The following TTLL1 variants were observed in gnomAD, a reference collection of about 807,000 sequenced individuals.
TTLL1 encodes the protein polyglutamylase complex subunit TTLL1.
TTLL1 carries 33 observed loss-of-function variants against 47.8 expected under a neutral mutation model. That is an observed-to-expected ratio of 0.69 (90% CI 0.52 to 0.92). TTLL1 has a LOEUF of 0.92. Ranked by LOEUF, TTLL1 falls within the 40% of genes least tolerant of loss-of-function variation. The pLI, the probability that TTLL1 is intolerant of heterozygous loss-of-function variation, is 0.00. For synonymous variants in TTLL1, 225 were observed against 214.1 expected, an observed-to-expected ratio of 1.05 and a Z score of -0.45; for missense variants, 488 against 547.5, an observed-to-expected ratio of 0.89 and a Z score of 1.08.
chr22:43,082,796 C>T (rs1928983957), intron 1 of TTLL1, among the ~76,000 whole-genome samples: 1 of 151,234 alleles, frequency 6.6e-6, no homozygotes, highest in African/African-American at 2.4e-5. Flanking sequence ...GGTGGATTAC[C>T]TGAGGTCAGG....
intron 3 of TTLL1, among the ~76,000 whole-genome samples, chr22:43,074,760 C>T (rs1928370296): frequency 6.6e-6 from 1 of 152,168 alleles, no homozygotes; most frequent in Admixed American, 6.6e-5. Context: ...TTATTCATGG[C>T]CGGACATGGT....
intron 2 of TTLL1, among the ~76,000 whole-genome samples, chr22:43,079,115 G>T (rs77677245): frequency 9.3e-6 from 1 of 107,312 alleles, no homozygotes; most frequent in Non-Finnish European, 1.9e-5. Context: ...CCTCACACCC[G>T]CAGACACGGG....
At chr22:43,044,213 T>A (rs1298792901) in intron 10 of TTLL1, among the ~76,000 whole-genome samples, 1 of 150,700 alleles carries the variant, frequency 6.6e-6, no homozygotes, top group Non-Finnish European at 1.5e-5. Flanking sequence ...GTACCTAGCC[T>A]GGGCAGCTGA....
At chr22:43,053,734 T>C (rs952703907) in intron 8 of TTLL1, among the ~76,000 whole-genome samples, 1 of 152,204 alleles carries the variant, frequency 6.6e-6, no homozygotes, top group Non-Finnish European at 1.5e-5. Flanking sequence ...AATAAATAAA[T>C]TCCTGCTCCC....
At chr22:43,079,560 G>A (rs950791211) in intron 2 of TTLL1, among the ~76,000 whole-genome samples, 5 of 152,198 alleles carry the variant, frequency 3.3e-5, no homozygotes, top group Non-Finnish European at 5.9e-5. Flanking sequence ...AACCACCGCC[G>A]TCCAGGCTGC....
chr22:43,076,230 C>A (rs749796833), intron 2 of TTLL1, among the ~76,000 whole-genome samples: 2 of 151,652 alleles, frequency 1.3e-5, no homozygotes, highest in Admixed American at 6.6e-5. Context: ...CCGAGGCAGG[C>A]GGATCGCCTG....
intron 3 of TTLL1, among the ~76,000 whole-genome samples, chr22:43,071,719 C>T (rs1473334000): frequency 6.6e-6 from 1 of 152,204 alleles, no homozygotes; most frequent in African/African-American, 2.4e-5. Flanking sequence ...TATAATCCAG[C>T]ACTTTGGAAG....
At chr22:43,077,757 C>T (rs1233381760) in intron 2 of TTLL1, among the ~76,000 whole-genome samples, 1 of 152,206 alleles carries the variant, frequency 6.6e-6, no homozygotes, top group African/African-American at 2.4e-5. Context: ...GCCTCCCCAC[C>T]CTGGCAACCC....
intron 1 of TTLL1, among the ~76,000 whole-genome samples, chr22:43,082,929 G>A (rs956098662): frequency 7.2e-5 from 11 of 151,922 alleles, no homozygotes; most frequent in East Asian, 3.9e-4. Context: ...CAGGAGAATC[G>A]CTTGAACCCT....
At chr22:43,053,979 T>C (rs1173040706) in intron 8 of TTLL1, among the ~76,000 whole-genome samples, 2 of 152,236 alleles carry the variant, frequency 1.3e-5, no homozygotes, top group Non-Finnish European at 2.9e-5. Flanking sequence ...TGTCAACCGA[T>C]GAGCGGTATT....
At chr22:43,046,222 AAATAAT>A (rs987406852) in intron 10 of TTLL1, among the ~76,000 whole-genome samples, 182 bp downstream of exon 10, 2 of 152,142 alleles carry the variant, frequency 1.3e-5, no homozygotes, top group Non-Finnish European at 1.5e-5. Flanking sequence ...CTCCCTCTCA[AAATAAT>A]AATAATAAAA....
intron 6 of TTLL1, 121 bp downstream of exon 6, chr22:43,064,069 C>T: frequency 1.3e-6 from 2 of 1,514,390 alleles, no homozygotes; most frequent in Non-Finnish European, 9.0e-7. Flanking sequence ...TCCCTCAATC[C>T]CTGCCCCGTG....
chr22:43,052,021 G>A (rs1302356753), intron 8 of TTLL1, 134 bp from the exon 9 acceptor site: 33 of 755,020 alleles, frequency 4.4e-5, no homozygotes, highest in South Asian at 4.5e-5. Context: ...CACCACAAAC[G>A]CTTCCTTCCC....
intron 9 of TTLL1, among the ~76,000 whole-genome samples, chr22:43,048,097 C>G (rs2146961666): frequency 6.6e-6 from 1 of 152,092 alleles, no homozygotes; most frequent in East Asian, 1.9e-4. Context: ...GCGGGTGGAT[C>G]ACAAGGTCAA....
At chr22:43,088,706 G>A (rs1601714941) in intron 1 of TTLL1, among the ~76,000 whole-genome samples, 1 of 152,100 alleles carries the variant, frequency 6.6e-6, no homozygotes, top group East Asian at 1.9e-4. Context: ...CGTTTCCTGA[G>A]CAAAGAACCT....
At chr22:43,072,521 G>A (rs1216684139) in intron 3 of TTLL1, among the ~76,000 whole-genome samples, 1 of 151,958 alleles carries the variant, frequency 6.6e-6, no homozygotes, top group Non-Finnish European at 1.5e-5. Context: ...GCCCAGGCTG[G>A]AGTGCAGTAG....
At chr22:43,045,128 T>A (rs770655002) in intron 10 of TTLL1, among the ~76,000 whole-genome samples, 4 of 152,208 alleles carry the variant, frequency 2.6e-5, no homozygotes, top group Non-Finnish European at 5.9e-5. Flanking sequence ...CCTGAAGTGC[T>A]GGGATTACAG....
intron 2 of TTLL1, 64 bp from the exon 3 acceptor site, chr22:43,075,654 G>A: frequency 6.9e-7 from 1 of 1,441,968 alleles, no homozygotes; most frequent in Non-Finnish European, 9.7e-7. Flanking sequence ...TAAACCCAAG[G>A]AATCCTCTAA....
intron 1 of TTLL1, among the ~76,000 whole-genome samples, chr22:43,084,504 T>C (rs1212692395): frequency 6.8e-6 from 1 of 147,866 alleles, no homozygotes; most frequent in East Asian, 2.0e-4. Context: ...TTTTTCTAGG[T>C]TTCTTTTCTT....
Sources: gnomAD v4.1 joint callset for allele counts (sites outside exome capture counted in the v4.1 genomes callset) on GRCh38, gnomAD v4.1.1 for gene constraint, MANE v1.5 for transcripts, NCBI Gene and HGNC (gene_info 2026-07-23, HGNC 2026-07-21) for gene names.